The following MIER1 variants were observed in gnomAD, a reference collection of about 807,000 sequenced individuals.
MIER1 encodes MIER1 transcriptional regulator.
Under a neutral mutation model 75.7 loss-of-function variants are expected in MIER1, and 40 were observed. The ratio of observed to expected loss-of-function variants is 0.53; its 90% CI spans 0.41 to 0.69. The LOEUF is 0.69. Ranked by LOEUF, MIER1 falls within the 30% of genes least tolerant of loss-of-function variation. The pLI is 0.00. For missense variants in MIER1, 574 were observed against 680.2 expected (o/e 0.84, Z 1.74); for synonymous variants, 213 against 223.4 (o/e 0.95, Z 0.42).
intron 10 of MIER1, 28 bp downstream of exon 10, chr1:66,971,764 G>T: frequency 1.6e-6 from 2 of 1,212,844 alleles, no homozygotes; most frequent in South Asian, 2.8e-5. Context: ...TCATTTTCAT[G>T]ATTTGGCAGA....
chr1:66,925,403 C>G (rs1651360354), intron 1 of MIER1: 1 of 985,350 alleles, frequency 1.0e-6, no homozygotes, highest in Non-Finnish European at 1.2e-6. Flanking sequence ...TCGCCCCGTT[C>G]GCTTCGGTCC....
intron 13 of MIER1, among the ~76,000 whole-genome samples, chr1:66,983,425 G>A (rs913462944): frequency 3.9e-5 from 6 of 152,118 alleles, no homozygotes; most frequent in East Asian, 1.9e-4. Flanking sequence ...CCTTTATGCC[G>A]AATATTTTTC....
Position 66,958,828 on chromosome 1 carries a change from AAATTT to A in MIER1, c.502-16_502-12del. The A allele has an allele frequency of 6.3e-7, 1 of 1,581,146 alleles. No individual in the cohort carries two copies. The highest frequency in any genetic ancestry group is 8.6e-7 in the Non-Finnish European group (1 of 1,159,858). ...CAACTGTTTTCCTTACATCTTAGAG[AAATTT>A]AATTTATTATTCCACAGGAGGAGAA... On this transcript the variant is annotated intron_variant, in intron 5 of 13. Coordinates refer to ENST00000401041, the MANE Select transcript of MIER1 (RefSeq NM_001077700.3).
rs570717563 is a variant in MIER1 at position 66,985,088 on chromosome 1, T to C, written c.*188T>C. On this transcript the variant is annotated 3_prime_UTR_variant, in exon 14 of 14. Transcript: ENST00000401041. ...TTTTTTTACTTTAAAGCTGTCAGAC[T>C]CTTTTAAGGGTATTTTAAAAATTAG... 1 of 1,320,588 alleles carries C rather than the reference T, an allele frequency of 7.6e-7. No homozygotes were observed. Among genetic ancestry groups the C allele is most frequent in the South Asian group, 2.1e-5 (1 of 48,354 alleles). The allele number at this position is 1,320,588 out of a possible 1,614,324, so 81.8% of individuals were successfully genotyped here.
At position 66,981,814 on chromosome 1, in the gene MIER1, G is replaced by A. The variant is rs754775200; in HGVS notation, c.1265G>A (p.Ser422Asn). Residue 422 changes from serine (S) to asparagine (N), a missense_variant, in exon 13 of 14, where the codon AGT becomes AAT. Around this residue, in one of 3 missense-constraint regions of MIER1, gnomAD observed 101 missense variants for 173.1 expected, o/e 0.58. Transcript: ENST00000401041. ...GATCGTCTTCTAGACGAAAGTGAAA[G>A]TGCTGCATCTAGTCGAGCACCATCC... ...YMDRLLDESE[S>N]AASSRAPSPP... 1.2e-6 allele frequency: 2 copies of A among 1,613,820 alleles called. No homozygotes were observed. Among genetic ancestry groups the A allele is most frequent in the African/African-American group, 1.3e-5 (1 of 74,932 alleles).
Position 66,984,588 on chromosome 1 carries a change from A to G in MIER1, c.1386A>G (p.Gly462=). The G allele has an allele frequency of 6.3e-7, 1 of 1,598,874 alleles. No individual in the cohort carries two copies. The highest frequency in any genetic ancestry group is 1.1e-5 in the South Asian group (1 of 87,500). Residue 462 remains glycine (G), a synonymous_variant, in exon 14 of 14, where the codon GGA becomes GGG. Transcript: ENST00000401041. ...TCAACTTAGGAGTGTCATCTAATGGACCAGGTGAAATATTAAACAAAGAGG... is the reference window on the plus strand; with the variant it reads ...TCAACTTAGGAGTGTCATCTAATGGGCCAGGTGAAATATTAAACAAAGAGG... ...TANQNGVSSN[G]PGEILNKEEV...
intron 4 of MIER1, among the ~76,000 whole-genome samples, chr1:66,953,774 T>C (rs966241363): frequency 1.3e-5 from 2 of 151,952 alleles, no homozygotes; most frequent in African/African-American, 4.8e-5. Context: ...TGGCTAACTT[T>C]TGTATTTTTA....
intron 4 of MIER1, among the ~76,000 whole-genome samples, chr1:66,948,857 C>T (rs1023115401): frequency 1.3e-5 from 2 of 152,194 alleles, no homozygotes; most frequent in Non-Finnish European, 2.9e-5. Flanking sequence ...TATGATAGCA[C>T]TGCTGCTCTC....
intron 10 of MIER1, among the ~76,000 whole-genome samples, chr1:66,972,237 T>TATATATATATATATATATATATACACTAC (rs1558099960): frequency 1.9e-4 from 9 of 48,078 alleles, no homozygotes; most frequent in African/African-American, 3.9e-4. Flanking sequence ...ATACACTACA[T>TATATATATATATATATATATATACACTAC]ATATATATAT....
At chr1:66,982,729 C>G (rs550087746) in intron 13 of MIER1, among the ~76,000 whole-genome samples, 48 of 152,278 alleles carry the variant, frequency 3.2e-4, no homozygotes, top group African/African-American at 1.2e-3. Flanking sequence ...CTCTTCTGAC[C>G]TTTGGTCTCA....
intron 2 of MIER1, among the ~76,000 whole-genome samples, chr1:66,928,206 A>C (rs1652277424): frequency 6.6e-6 from 1 of 152,118 alleles, no homozygotes; most frequent in African/African-American, 2.4e-5. Flanking sequence ...ATTGATACAC[A>C]ATATTAATAA....
Position 66,986,650 on chromosome 1 carries a change from C to G in MIER1, c.*1750C>G. On this transcript the variant is annotated 3_prime_UTR_variant, in exon 14 of 14. Transcript: ENST00000401041. ...TTTTCCCAAACAGTGTTAAAAGCCA[C>G]TTTGCAACACTTGACTTCATCTTAA... 2 of 537,564 alleles carry G rather than the reference C, an allele frequency of 3.7e-6. No individual in the cohort carries two copies. Among genetic ancestry groups the G allele is most frequent in the South Asian group, 5.7e-5 (2 of 35,032 alleles). 33.3% of individuals were successfully genotyped at this position (537,564 alleles called of 1,614,324 possible). A position where few individuals can be genotyped will look rare whatever the true frequency, so the allele number is the denominator to read the frequency against.
intron 4 of MIER1, among the ~76,000 whole-genome samples, chr1:66,957,857 T>C (rs1333395252): frequency 2.0e-5 from 3 of 152,186 alleles, no homozygotes; most frequent in Non-Finnish European, 2.9e-5. Flanking sequence ...TTATAACTGG[T>C]TCATTTTATA....
At chr1:66,973,955 A>G (rs1664188273) in intron 11 of MIER1, among the ~76,000 whole-genome samples, 1 of 151,946 alleles carries the variant, frequency 6.6e-6, no homozygotes, top group Non-Finnish European at 1.5e-5. Context: ...CTCTTTTTAT[A>G]CATTTGGATG....
intron 12 of MIER1, 122 bp downstream of exon 12, chr1:66,976,844 C>A: frequency 1.3e-6 from 1 of 770,492 alleles, no homozygotes; most frequent in South Asian, 2.9e-5. Context: ...ACCAGAAGGC[C>A]GAGAGTGATA....
intron 3 of MIER1, among the ~76,000 whole-genome samples, chr1:66,940,492 A>G (rs1002033604): frequency 2.0e-5 from 3 of 152,090 alleles, no homozygotes; most frequent in Admixed American, 1.3e-4. Flanking sequence ...CGATTCAACA[A>G]GTGAATATTT....
Position 66,986,484 on chromosome 1 carries a change from GTC to G in MIER1, c.*1586_*1587del, listed in dbSNP as rs1430977374. 6.3e-7 allele frequency: 1 copy of G among 1,584,168 alleles called. No homozygotes were observed. Among genetic ancestry groups the G allele is most frequent in the East Asian group, 2.2e-5 (1 of 44,694 alleles). On this transcript the variant is annotated 3_prime_UTR_variant, in exon 14 of 14. Transcript: ENST00000401041. ...GCCTTTTTAAAATAAAGCTTCTGTGGTCTTGTTTTTAATGGCTCAACTGTCTG... is the reference window on the plus strand; with the variant it reads ...GCCTTTTTAAAATAAAGCTTCTGTGGTTGTTTTTAATGGCTCAACTGTCTG...
chr1:66,972,638 G>A (rs1013354627), intron 10 of MIER1, among the ~76,000 whole-genome samples: 4 of 151,992 alleles, frequency 2.6e-5, no homozygotes, highest in African/African-American at 9.7e-5. Context: ...GAATTGAAAG[G>A]TGGCTGAGAT....
intron 2 of MIER1, chr1:66,930,368 A>C (rs1167839902): frequency 3.1e-6 from 5 of 1,607,150 alleles, no homozygotes; most frequent in South Asian, 2.2e-5. Context: ...CGCCGCGGAG[A>C]TGTGACCCGG....
Sources: allele counts gnomAD v4.1 joint callset (sites outside exome capture counted in the v4.1 genomes callset), GRCh38; gene constraint gnomAD v4.1.1; regional missense constraint gnomAD v4.1.1; transcripts MANE v1.5; gene names NCBI Gene and HGNC (gene_info 2026-07-23, HGNC 2026-07-21).